NUFIP2: variants seen among roughly 807,000 people sequenced by gnomAD.
NUFIP2 encodes the protein nuclear FMR1 interacting protein 2, also known as FMR1-interacting protein NUFIP2.
A neutral mutation model predicts 56.9 loss-of-function variants in NUFIP2; 6 were observed. That is an observed-to-expected ratio of 0.11 (90% CI 0.06 to 0.21). The LOEUF is 0.21. Ranked by LOEUF, NUFIP2 falls within the 10% of genes least tolerant of loss-of-function variation. The pLI, the probability that NUFIP2 is intolerant of heterozygous loss-of-function variation, is 1.00. For missense variants in NUFIP2, 828 were observed against 826.8 expected (o/e 1.00, Z -0.02); for synonymous variants, 321 against 298.2 (o/e 1.08, Z -0.79).
chr17:29,276,823 G>A (rs2069111100), intron 2 of NUFIP2, among the ~76,000 whole-genome samples: 1 of 152,132 alleles, frequency 6.6e-6, no homozygotes, highest in Admixed American at 6.6e-5. Flanking sequence ...ACTGTAAACA[G>A]TATTAGGCAG....
chr17:29,265,357 C>G (rs1249045324), intron 3 of NUFIP2, among the ~76,000 whole-genome samples: 34 of 143,018 alleles, frequency 2.4e-4, no homozygotes, highest in African/African-American at 8.4e-4. Flanking sequence ...GGCTGGAGTG[C>G]AGTGGCGCGA....
chr17:29,288,998 G>A (rs552399138), intron 1 of NUFIP2, among the ~76,000 whole-genome samples: 22 of 152,090 alleles, frequency 1.4e-4, no homozygotes, highest in Admixed American at 5.9e-4. Flanking sequence ...ACAAAAATTA[G>A]CTGGGCGTGG....
intron 2 of NUFIP2, among the ~76,000 whole-genome samples, chr17:29,281,331 A>G (rs1437040029): frequency 6.6e-6 from 1 of 151,292 alleles, no homozygotes; most frequent in Non-Finnish European, 1.5e-5. Context: ...CAAAAAAATA[A>G]AAATAAAAAA....
chr17:29,256,564 T>C lies in NUFIP2; in HGVS notation c.*7975A>G, dbSNP rs1313164994. On this transcript the variant is annotated 3_prime_UTR_variant, in exon 4 of 4. Coordinates refer to ENST00000225388, the MANE Select transcript of NUFIP2 (RefSeq NM_020772.3). ...TCTGTATATTGAAAAAGCTATAAAA[T>C]GGAAATATTTATTTTTTATGTAGGA... The C allele has an allele frequency of 2.0e-5, 3 of 151,994 alleles. No homozygotes were observed. 9.4% of individuals were successfully genotyped at this position (151,994 alleles called of 1,614,324 possible). A position where few individuals can be genotyped will look rare whatever the true frequency, so the allele number is the denominator to read the frequency against.
intron 2 of NUFIP2, among the ~76,000 whole-genome samples, chr17:29,278,177 G>C (rs1395338246): frequency 6.6e-6 from 1 of 152,088 alleles, no homozygotes; most frequent in Admixed American, 6.6e-5. Flanking sequence ...CTCCTAAATA[G>C]AAACTCGGAA....
chr17:29,267,899 TA>T (rs549240662), intron 2 of NUFIP2, among the ~76,000 whole-genome samples: 164 of 145,880 alleles, frequency 1.1e-3, no homozygotes, highest in African/African-American at 4.1e-3. Context: ...CTGGATCCTG[TA>T]ACTCTTTTGT....
At chr17:29,289,842 A>C (rs2069199879) in intron 1 of NUFIP2, among the ~76,000 whole-genome samples, 1 of 152,220 alleles carries the variant, frequency 6.6e-6, no homozygotes, top group Non-Finnish European at 1.5e-5. Context: ...AAGTAACCCA[A>C]GAAAACATAC....
intron 2 of NUFIP2, among the ~76,000 whole-genome samples, chr17:29,275,639 T>G (rs2069103150): frequency 6.6e-6 from 1 of 152,174 alleles, no homozygotes; most frequent in Admixed American, 6.6e-5. Context: ...TTTTCAACAT[T>G]TATGCAGTTG....
intron 1 of NUFIP2, among the ~76,000 whole-genome samples, chr17:29,289,063 C>G (rs1319248587): frequency 1.3e-5 from 2 of 152,088 alleles, no homozygotes; most frequent in African/African-American, 4.8e-5. Context: ...TAGCTTGAAC[C>G]CAGGAGGTCG....
At chr17:29,288,730 A>G (rs1447268039) in intron 1 of NUFIP2, among the ~76,000 whole-genome samples, 4 of 152,258 alleles carry the variant, frequency 2.6e-5, no homozygotes, top group Non-Finnish European at 5.9e-5. Context: ...CCGCCAGTCT[A>G]TCTGCAATCC....
At chr17:29,266,809 C>T (rs180876572) in intron 3 of NUFIP2, among the ~76,000 whole-genome samples, 1 of 151,888 alleles carries the variant, frequency 6.6e-6, no homozygotes, top group Admixed American at 6.6e-5. Context: ...ATACTTTCAT[C>T]TGTTTTTTTC....
At chr17:29,269,733 C>T (rs530351132) in intron 2 of NUFIP2, among the ~76,000 whole-genome samples, 1 of 152,074 alleles carries the variant, frequency 6.6e-6, no homozygotes, top group Admixed American at 6.5e-5. Flanking sequence ...CCTCAGCCAC[C>T]AAGTCTGGCA....
Position 29,264,406 on chromosome 17 carries a change from T to C in NUFIP2, c.*133A>G. ...ATATATATATGTATATATATATATTTGTATATATTATCCTGTGATTCTACT... is the reference window on the plus strand; with the variant it reads ...ATATATATATGTATATATATATATTCGTATATATTATCCTGTGATTCTACT... On this transcript the variant is annotated 3_prime_UTR_variant, in exon 4 of 4. Transcript: ENST00000225388. 1 of 332,986 alleles carries C rather than the reference T, an allele frequency of 3.0e-6. No homozygotes were observed. Among genetic ancestry groups the C allele is most frequent in the East Asian group, 5.8e-5 (1 of 17,198 alleles). The allele number at this position is 332,986 out of a possible 1,614,324, so 20.6% of individuals were successfully genotyped here.
intron 2 of NUFIP2, among the ~76,000 whole-genome samples, chr17:29,271,356 G>A (rs929520405): frequency 6.6e-6 from 1 of 151,996 alleles, no homozygotes; most frequent in Admixed American, 6.6e-5. Flanking sequence ...GGCCAACATG[G>A]TGAAACCCCG....
At chr17:29,272,003 G>A (rs1402413586) in intron 2 of NUFIP2, among the ~76,000 whole-genome samples, 2 of 139,150 alleles carry the variant, frequency 1.4e-5, no homozygotes, top group African/African-American at 5.2e-5. Flanking sequence ...AACCCGGGAG[G>A]CAGAGATTGC....
chr17:29,271,447 G>C (rs1479632377), intron 2 of NUFIP2, among the ~76,000 whole-genome samples: 1 of 151,776 alleles, frequency 6.6e-6, no homozygotes, highest in African/African-American at 2.4e-5. Context: ...TAAGGCAGGA[G>C]AATCACTTGA....
intron 2 of NUFIP2, among the ~76,000 whole-genome samples, chr17:29,279,907 C>G (rs542411222): frequency 1.3e-5 from 2 of 152,104 alleles, no homozygotes; most frequent in African/African-American, 2.4e-5. Context: ...CAACTTCCAC[C>G]TCCCAGATTC....
At chr17:29,275,145 C>T (rs909003847) in intron 2 of NUFIP2, among the ~76,000 whole-genome samples, 1 of 152,032 alleles carries the variant, frequency 6.6e-6, no homozygotes, top group Non-Finnish European at 1.5e-5. Context: ...CAGCCCCCCC[C>T]AAGCAGCTGG....
intron 2 of NUFIP2, among the ~76,000 whole-genome samples, chr17:29,283,868 G>A (rs1182070731): frequency 1.3e-5 from 2 of 152,202 alleles, no homozygotes; most frequent in Admixed American, 6.5e-5. Flanking sequence ...TGGAGAATAA[G>A]TGAAATCAGG....
Sources: allele counts gnomAD v4.1 joint callset (sites outside exome capture counted in the v4.1 genomes callset), GRCh38; gene constraint gnomAD v4.1.1; transcripts MANE v1.5; gene names NCBI Gene and HGNC (gene_info 2026-07-23, HGNC 2026-07-21).